NSD1: variants seen among roughly 807,000 people sequenced by gnomAD.
The protein encoded by NSD1 is nuclear receptor binding SET domain protein 1, also known as histone-lysine N-methyltransferase, H3 lysine-36 specific.
Under a neutral mutation model 242.7 loss-of-function variants are expected in NSD1, and 26 were observed. The ratio of observed to expected loss-of-function variants is 0.11; its 90% CI spans 0.08 to 0.15. The LOEUF (loss-of-function observed/expected upper bound fraction) is 0.15. Ranked by LOEUF, NSD1 falls within the 10% of genes least tolerant of loss-of-function variation. The probability of loss-of-function intolerance (pLI) is 1.00; values close to 1 mark genes in which losing one functional copy is unlikely to be tolerated. For synonymous variants in NSD1, 1,106 were observed against 1,178.1 expected (o/e 0.94, Z 1.25); for missense variants, 2,495 against 3,272.8 (o/e 0.76, Z 5.80).
At chr5:177,237,447 T>C (rs1487723692) in intron 6 of NSD1, among the ~76,000 whole-genome samples, 1 of 151,452 alleles carries the variant, frequency 6.6e-6, no homozygotes, top group African/African-American at 2.4e-5. Flanking sequence ...CTTATCAATA[T>C]TATAGCTTCA....
chr5:177,209,785 T>A lies in NSD1; in HGVS notation c.1386T>A (p.Asn462Lys). The change falls in exon 5 of 23, where the codon AAT (asparagine) becomes AAA (lysine). Residue 462 changes from asparagine to lysine, a missense_variant. Physicochemically the swap from Asn to Lys is moderately conservative, Grantham distance 94. Transcript: ENST00000439151. Reference sequence around the variant, plus strand: ...ATATGCCATTTGAAGACTGCACAAATGATCCTGAGTCAGAACATGACCTGT... The same window carrying A: ...ATATGCCATTTGAAGACTGCACAAAAGATCCTGAGTCAGAACATGACCTGT... ...EEDMPFEDCTNDPESEHDLLL... is the reference protein window; with the variant it reads ...EEDMPFEDCTKDPESEHDLLL... The A allele has an allele frequency of 1.2e-6, 2 of 1,614,158 alleles. No individual in the cohort carries two copies. Among genetic ancestry groups the A allele is most frequent in the Non-Finnish European group, 8.5e-7 (1 of 1,180,032 alleles).
rs368427909 is a variant in NSD1 at position 177,294,391 on chromosome 5, C to A, written c.7023C>A (p.Ser2341=). ...CCTCTCCAGTGACCAGCCCAAGCTC[C>A]TCACCCTCAGTCAGGTCCCAACCAC... The part of the protein sequence containing the change: ...DKPSPVTSPS[S]SPSVRSQPLE... The change falls in exon 23 of 23, where the codon TCC becomes TCA. Residue 2341 remains serine, a synonymous_variant. Coordinates refer to ENST00000439151, the MANE Select transcript of NSD1 (RefSeq NM_022455.5). 6.2e-7 allele frequency: 1 copy of A among 1,614,094 alleles called. No homozygotes were observed. Among genetic ancestry groups the A allele is most frequent in the African/African-American group, 1.3e-5 (1 of 74,926 alleles).
Position 177,238,524 on chromosome 5 carries a change from G to C in NSD1, c.4192+17G>C. ...AAACGCCAGGTAAGGTGGGGTTGGG[G>C]TCTCAGTATTTGAGCAGATATGATT... On this transcript the variant is annotated intron_variant, in intron 7 of 22. Coordinates refer to ENST00000439151, the MANE Select transcript of NSD1 (RefSeq NM_022455.5). This position sits in a 1 kb window ranked among gnomAD's most constrained non-coding sequence, Gnocchi z 4.6. 1 of 1,610,434 alleles carries C rather than the reference G, an allele frequency of 6.2e-7. No homozygotes were observed.
intron 2 of NSD1, among the ~76,000 whole-genome samples, chr5:177,151,741 G>C (rs1287367324): frequency 6.6e-6 from 1 of 151,434 alleles, no homozygotes. Flanking sequence ...GGCTAGGCTG[G>C]AGTGCAGTGA....
chr5:177,191,674 T>C (rs1428668178), intron 2 of NSD1, among the ~76,000 whole-genome samples: 1 of 152,194 alleles, frequency 6.6e-6, no homozygotes, highest in Non-Finnish European at 1.5e-5. Flanking sequence ...TATAAAACAA[T>C]TATAAGTTGA....
intron 16 of NSD1, among the ~76,000 whole-genome samples, chr5:177,272,990 AAGG>A (rs933368692): frequency 6.6e-6 from 1 of 152,170 alleles, no homozygotes. Flanking sequence ...AAGAGGCAAG[AAGG>A]AGAACAAAGC....
At chr5:177,249,059 G>T (rs1315730654) in intron 11 of NSD1, among the ~76,000 whole-genome samples, 1 of 152,114 alleles carries the variant, frequency 6.6e-6, no homozygotes, top group Non-Finnish European at 1.5e-5. Context: ...TGTGAGATAG[G>T]GGATTCCACT....
chr5:177,254,067 C>T (rs1166934376), intron 12 of NSD1, among the ~76,000 whole-genome samples: 2 of 151,904 alleles, frequency 1.3e-5, no homozygotes, highest in African/African-American at 4.8e-5. Context: ...CCTGCCTCAG[C>T]CTCCCAAGTA....
chr5:177,136,561 T>C (rs1001201595), intron 2 of NSD1, among the ~76,000 whole-genome samples: 1 of 152,118 alleles, frequency 6.6e-6, no homozygotes, highest in African/African-American at 2.4e-5. Flanking sequence ...CTACCTGTTT[T>C]GAAGGTATAG....
At chr5:177,230,330 G>A (rs1001564040) in intron 5 of NSD1, among the ~76,000 whole-genome samples, 11 of 151,934 alleles carry the variant, frequency 7.2e-5, no homozygotes, top group African/African-American at 2.7e-4. Context: ...AAATATTTTA[G>A]GTTTTATGAG....
In NSD1 at chr5:177,210,898, G is replaced by A. The variant is rs1473236692; in HGVS notation, c.2499G>A (p.Val833=). ...PLASISKSGK[V]DGLKLLNNMH... Reference sequence around the variant, plus strand: ...CCAGCATTTCTAAAAGTGGGAAAGTGGATGGTCTAAAACTACTGAACAATA... The same window carrying A: ...CCAGCATTTCTAAAAGTGGGAAAGTAGATGGTCTAAAACTACTGAACAATA... Residue 833 remains valine (V), a synonymous_variant, in exon 5 of 23, where the codon GTG becomes GTA. Coordinates refer to ENST00000439151, the MANE Select transcript of NSD1 (RefSeq NM_022455.5). 11 of 1,614,042 alleles carry A rather than the reference G, an allele frequency of 6.8e-6. No homozygotes were observed. The highest frequency in any genetic ancestry group is 9.3e-6 in the Non-Finnish European group (11 of 1,180,052).
intron 2 of NSD1, among the ~76,000 whole-genome samples, chr5:177,149,112 C>T (rs1757490396): frequency 6.6e-6 from 1 of 152,124 alleles, no homozygotes; most frequent in Non-Finnish European, 1.5e-5. Context: ...AGCCATTGCA[C>T]CTGGCCGAGT....
At chr5:177,291,099 A>G (rs1408732405) in intron 21 of NSD1, among the ~76,000 whole-genome samples, 1 of 152,206 alleles carries the variant, frequency 6.6e-6, no homozygotes, top group Non-Finnish European at 1.5e-5. Flanking sequence ...TGATAAGATG[A>G]TTTGGTGACC....
At chr5:177,275,633 C>T (rs1758319033) in intron 17 of NSD1, among the ~76,000 whole-genome samples, 1 of 151,800 alleles carries the variant, frequency 6.6e-6, no homozygotes, top group South Asian at 2.1e-4. Context: ...TGGGGTTTCA[C>T]CATGTTAGCC....
chr5:177,283,713 G>A (rs1406327486), intron 19 of NSD1, 74 bp from the exon 20 acceptor site: 2 of 1,518,904 alleles, frequency 1.3e-6, no homozygotes, highest in Non-Finnish European at 1.8e-6. Flanking sequence ...CAACTTATTA[G>A]AGAGAATAGT....
intron 14 of NSD1, chr5:177,264,779 A>AG: frequency 1.3e-6 from 1 of 741,946 alleles, no homozygotes; most frequent in Non-Finnish European, 2.5e-6. Flanking sequence ...ACAAACACAA[A>AG]GGGAAAGAGG....
chr5:177,271,013 A>C (rs959709297), intron 16 of NSD1, among the ~76,000 whole-genome samples: 9 of 152,284 alleles, frequency 5.9e-5, no homozygotes, highest in Admixed American at 1.3e-4. Context: ...TGGCCTGCAC[A>C]GAGCTGGCCA....
At chr5:177,223,748 C>A (rs1764418467) in intron 5 of NSD1, among the ~76,000 whole-genome samples, 1 of 152,108 alleles carries the variant, frequency 6.6e-6, no homozygotes, top group Non-Finnish European at 1.5e-5. Context: ...TTTGGGAGGC[C>A]AAGGTGGGTG....
In NSD1 at chr5:177,210,474, C is replaced by T. The variant is rs1174110788; in HGVS notation, c.2075C>T (p.Thr692Ile). 6 of 1,614,086 alleles carry T rather than the reference C, an allele frequency of 3.7e-6. No homozygotes were observed. Among genetic ancestry groups the T allele is most frequent in the Non-Finnish European group, 5.1e-6 (6 of 1,180,000 alleles). The change falls in exon 5 of 23, where the codon ACA becomes ATA. Residue 692 changes from threonine (T) to isoleucine (I), a missense_variant. Thr to Ile is a moderately conservative substitution (Grantham distance 89). Coordinates refer to ENST00000439151, the MANE Select transcript of NSD1 (RefSeq NM_022455.5). ...ATAAAGTATTCTAGGTTTGCTGCCA[C>T]AAACACTAGGGTAAAAGCAAAACAG... is the stretch of plus-strand genomic sequence containing the variant. ...EKIKYSRFAA[T>I]NTRVKAKQKP...
Sources: allele counts gnomAD v4.1 joint callset (sites outside exome capture counted in the v4.1 genomes callset), GRCh38; gene constraint gnomAD v4.1.1; non-coding constraint Gnocchi (gnomAD v3.1); transcripts MANE v1.5; gene names NCBI Gene and HGNC (gene_info 2026-07-23, HGNC 2026-07-21).